The following KIFAP3 variants were observed in gnomAD, a reference collection of about 807,000 sequenced individuals.
The protein encoded by KIFAP3 is kinesin-associated protein 3.
KIFAP3 carries 68 observed loss-of-function variants against 106.5 expected under a neutral mutation model. The ratio of observed to expected loss-of-function variants is 0.64; its 90% CI spans 0.53 to 0.78. The LOEUF (loss-of-function observed/expected upper bound fraction) is 0.78. KIFAP3 is among the 30% of genes least tolerant of loss of function. KIFAP3 has a pLI of 0.00. For synonymous variants in KIFAP3, 320 were observed against 311.5 expected (o/e 1.03, Z -0.29); for missense variants, 780 against 941.8 (o/e 0.83, Z 2.25).
At chr1:170,029,966 C>G (rs764814164) in intron 8 of KIFAP3, among the ~76,000 whole-genome samples, 11 of 151,866 alleles carry the variant, frequency 7.2e-5, no homozygotes, top group Non-Finnish European at 1.5e-4. Flanking sequence ...ACCCCATATA[C>G]AAAAATTAAC....
At chr1:169,973,105 G>GCA (rs1553278127) in intron 16 of KIFAP3, among the ~76,000 whole-genome samples, 1 of 90,314 alleles carries the variant, frequency 1.1e-5, no homozygotes. Flanking sequence ...AAAATAGTGT[G>GCA]TATATATATA....
intron 19 of KIFAP3, among the ~76,000 whole-genome samples, chr1:169,943,524 G>A (rs1039470638): frequency 3.9e-5 from 6 of 152,032 alleles, no homozygotes; most frequent in African/African-American, 1.2e-4. Context: ...ATTTTTTTAA[G>A]GGGGAATAGT....
chr1:170,024,331 G>T, intron 9 of KIFAP3, 87 bp downstream of exon 9: 1 of 738,818 alleles, frequency 1.4e-6, no homozygotes, highest in Non-Finnish European at 2.1e-6. Flanking sequence ...ATCTCGGTAG[G>T]GGAATAAAGT....
Position 170,012,948 on chromosome 1 carries a change from C to G in KIFAP3, c.1183+3514G>C, listed in dbSNP as rs1023037859. On this transcript the variant is annotated intron_variant, in intron 10 of 19. Coordinates refer to ENST00000361580, the MANE Select transcript of KIFAP3 (RefSeq NM_014970.4). ...GAAAATGCCCCTATGATTCAATTATCACCACCTGGCCCGGCCCTTGAAACG... is the reference window on the plus strand; with the variant it reads ...GAAAATGCCCCTATGATTCAATTATGACCACCTGGCCCGGCCCTTGAAACG... 2.0e-5 allele frequency among the ~76,000 whole-genome samples: 3 copies of G among 152,118 alleles called. No individual in the cohort carries two copies. In the South Asian group the frequency reaches 6.2e-4, roughly 31 times the overall value.
At chr1:170,064,012 T>C (rs185705723) in intron 1 of KIFAP3, among the ~76,000 whole-genome samples, 2 of 152,344 alleles carry the variant, frequency 1.3e-5, no homozygotes, top group East Asian at 3.9e-4. Context: ...TATATTGTTA[T>C]TTGCATTTGT....
chr1:169,981,512 T>C lies in KIFAP3; in HGVS notation c.1798+460A>G, dbSNP rs141045892. Among the ~76,000 whole-genome samples the C allele has an allele frequency of 7.5e-3, 1,141 of 152,330 alleles. 12 individuals are homozygous for C. Among genetic ancestry groups the C allele is most frequent in the African/African-American group, 0.026 (1,079 of 41,574 alleles). ...AGTGATGCTAAGCATACTGTTATAA[T>C]TTTTCTGTTTTATTATTAATTATGG... On this transcript the variant is annotated intron_variant, in intron 15 of 19. Coordinates refer to ENST00000361580, the MANE Select transcript of KIFAP3 (RefSeq NM_014970.4).
intron 1 of KIFAP3, among the ~76,000 whole-genome samples, chr1:170,060,924 T>G (rs886679229): frequency 2.0e-5 from 3 of 152,206 alleles, no homozygotes; most frequent in Non-Finnish European, 2.9e-5. Context: ...GATTCCCTAT[T>G]TAATAAATGG....
chr1:170,030,377 G>A (rs1669338565), intron 8 of KIFAP3, among the ~76,000 whole-genome samples: 1 of 151,866 alleles, frequency 6.6e-6, no homozygotes, highest in African/African-American at 2.4e-5. Context: ...ATACATTCAT[G>A]GTGAGAATAT....
chr1:170,006,343 GAAGTA>G (rs1275123436), intron 10 of KIFAP3, among the ~76,000 whole-genome samples: 3 of 152,118 alleles, frequency 2.0e-5, no homozygotes, highest in Admixed American at 6.6e-5. Flanking sequence ...GTAAAGAAGT[GAAGTA>G]AAGAAGTGCC....
intron 8 of KIFAP3, 86 bp downstream of exon 8, chr1:170,031,800 C>T: frequency 1.2e-6 from 1 of 811,418 alleles, no homozygotes; most frequent in Non-Finnish European, 2.1e-6. Flanking sequence ...CTCACATTAG[C>T]TTTACAGGTA....
intron 16 of KIFAP3, among the ~76,000 whole-genome samples, chr1:169,977,411 C>A (rs1160741498): frequency 1.3e-5 from 2 of 152,104 alleles, no homozygotes; most frequent in Non-Finnish European, 1.5e-5. Flanking sequence ...CAATTTAAAT[C>A]CATTAGTACT....
chr1:170,024,813 C>A, intron 8 of KIFAP3: 3 of 344,592 alleles, frequency 8.7e-6, no homozygotes, highest in East Asian at 4.3e-5. Context: ...ACAAAACACA[C>A]ATATAAAATA....
chr1:170,026,995 A>AAATTTCACT (rs1669144430), intron 8 of KIFAP3, among the ~76,000 whole-genome samples: 1 of 150,720 alleles, frequency 6.6e-6, no homozygotes, highest in African/African-American at 2.4e-5. Context: ...ACAACAATGT[A>AAATTTCACT]AATTTCACTG....
chr1:169,941,225 CATT>C (rs1215336597), intron 19 of KIFAP3, among the ~76,000 whole-genome samples: 1 of 152,118 alleles, frequency 6.6e-6, no homozygotes, highest in Non-Finnish European at 1.5e-5. Context: ...AACATTCTAA[CATT>C]ATACCTAATA....
At chr1:169,998,695 G>A (rs957953828) in intron 10 of KIFAP3, among the ~76,000 whole-genome samples, 1 of 151,898 alleles carries the variant, frequency 6.6e-6, no homozygotes, top group East Asian at 1.9e-4. Flanking sequence ...TTTTATAAAC[G>A]GTCTTGTTAC....
intron 1 of KIFAP3, among the ~76,000 whole-genome samples, chr1:170,059,578 A>C (rs562199402): frequency 8.9e-4 from 135 of 152,318 alleles, no homozygotes; most frequent in African/African-American, 3.0e-3. Flanking sequence ...GCCGAATTCT[A>C]CCAGAGGTAC....
intron 9 of KIFAP3, among the ~76,000 whole-genome samples, chr1:170,019,835 T>C (rs1346675543): frequency 1.3e-5 from 2 of 152,118 alleles, no homozygotes; most frequent in Admixed American, 6.6e-5. Flanking sequence ...GCATACCCAG[T>C]GCAATAAGGC....
chr1:170,003,410 C>T (rs1004433664), intron 10 of KIFAP3, among the ~76,000 whole-genome samples: 1 of 152,168 alleles, frequency 6.6e-6, no homozygotes, highest in East Asian at 1.9e-4. Context: ...ATAACAAATC[C>T]TCCCGGCCGT....
At chr1:170,051,672 A>T (rs1275745734) in intron 2 of KIFAP3, among the ~76,000 whole-genome samples, 1 of 152,234 alleles carries the variant, frequency 6.6e-6, no homozygotes, top group Admixed American at 6.5e-5. Flanking sequence ...ATCAAATTAG[A>T]ACTCAGGACT....
Sources: allele counts gnomAD v4.1 joint callset (sites outside exome capture counted in the v4.1 genomes callset), GRCh38; gene constraint gnomAD v4.1.1; transcripts MANE v1.5; gene names NCBI Gene and HGNC (gene_info 2026-07-23, HGNC 2026-07-21).